Variants in BCL7A observed in about 807,000 individuals in gnomAD.
The protein encoded by BCL7A is B-cell CLL/lymphoma 7 protein family member A.
In BCL7A, 11 loss-of-function variants were observed where a neutral mutation model predicts 28.4. The observed-to-expected ratio is 0.39, with a 90% CI of 0.24 to 0.64. The LOEUF (loss-of-function observed/expected upper bound fraction) is 0.64, where lower values mean the gene tolerates loss of function less well. BCL7A is among the 30% of genes least tolerant of loss of function. BCL7A has a pLI of 0.50. For synonymous variants in BCL7A, 123 were observed against 103.3 expected (o/e 1.19, Z -1.15); for missense variants, 222 against 274.8 (o/e 0.81, Z 1.36).
intron 4 of BCL7A, chr12:122,044,256 C>T: frequency 1.7e-6 from 1 of 599,776 alleles, no homozygotes; most frequent in Non-Finnish European, 2.8e-6. Context: ...TGCCTGTAAT[C>T]CCTGCACTTT....
At chr12:122,052,163 C>A (rs1424083926) in intron 4 of BCL7A, among the ~76,000 whole-genome samples, 1 of 151,906 alleles carries the variant, frequency 6.6e-6, no homozygotes, top group African/African-American at 2.4e-5. Context: ...GTGTGAGCCA[C>A]CACGCCTGGC....
At chr12:122,055,039 C>G (rs1219453098) in intron 5 of BCL7A, 113 bp downstream of exon 5, 14 of 1,585,928 alleles carry the variant, frequency 8.8e-6, no homozygotes, top group African/African-American at 1.3e-5. Context: ...TGTCGTTGGA[C>G]CATTGGAACT....
chr12:122,060,551 TA>T lies in BCL7A; in HGVS notation c.*1390del. 4.3e-6 allele frequency: 1 copy of T among 233,136 alleles called. No individual in the cohort carries two copies. The highest frequency in any genetic ancestry group is 1.3e-3 in the Middle Eastern group (1 of 784). The allele number at this position is 233,136 out of a possible 1,614,324, so 14.4% of individuals were successfully genotyped here. On this transcript the variant is annotated 3_prime_UTR_variant, in exon 6 of 6. Coordinates refer to ENST00000261822, the MANE Select transcript of BCL7A (RefSeq NM_001024808.3). The stretch of plus-strand genomic sequence containing the variant: ...TTCTGAGGCCTGGTTTGCTCTTAAT[TA>T]ATATATGAACTCCTCAGACCTTAAA...
chr12:122,053,674 C>G (rs1884244771), intron 4 of BCL7A, among the ~76,000 whole-genome samples: 1 of 151,766 alleles, frequency 6.6e-6, no homozygotes, highest in Non-Finnish European at 1.5e-5. Flanking sequence ...CTGCCTCCTC[C>G]CAAGCTGCAC....
rs1311987894 is a variant in BCL7A, at chr12:122,054,967, G to A, written c.561+41G>A. On this transcript the variant is annotated intron_variant, in intron 5 of 5. Coordinates refer to ENST00000261822, the MANE Select transcript of BCL7A (RefSeq NM_001024808.3). Reference sequence around the variant, plus strand: ...TCTCAGAGGGGCAGCCAGATCGGCCGGGAGCCCATTGGGTTGTCGGGGGTA... The same window carrying A: ...TCTCAGAGGGGCAGCCAGATCGGCCAGGAGCCCATTGGGTTGTCGGGGGTA... The A allele has an allele frequency of 5.6e-6, 9 of 1,614,066 alleles. No homozygotes were observed. Among genetic ancestry groups the A allele is most frequent in the South Asian group, 1.1e-5 (1 of 91,064 alleles).
chr12:122,028,658 T>C (rs1033792828), intron 1 of BCL7A, among the ~76,000 whole-genome samples: 5 of 152,162 alleles, frequency 3.3e-5, no homozygotes, highest in African/African-American at 1.2e-4. Context: ...TTCTGCCACT[T>C]CCTGTCTGTG....
Position 122,035,730 on chromosome 12 carries a change from ATTGT to A in BCL7A, c.271+307_271+310del, listed in dbSNP as rs1297211317. Among the ~76,000 whole-genome samples the A allele has an allele frequency of 6.6e-5, 10 of 152,324 alleles. No individual in the cohort carries two copies. In the East Asian group the frequency reaches 1.7e-3, roughly 26 times the overall value. On this transcript the variant is annotated intron_variant, in intron 3 of 5. Coordinates refer to ENST00000261822, the MANE Select transcript of BCL7A (RefSeq NM_001024808.3). ...CTCTCAGCCTCGTGTGTCCAGGAAG[ATTGT>A]TTGGGCGTATGTTTCTTCGCCCCCT...
rs113743575 is a variant in BCL7A, at chr12:122,051,011, C to T, written c.440-3794C>T. Among the ~76,000 whole-genome samples, 306 of 152,322 alleles carry T rather than the reference C, an allele frequency of 2.0e-3. 1 individual carries two copies. The Middle Eastern group carries it at 0.02, about 10-fold the overall frequency. ...TGCAGCCGCGTTCCTGCTTCTTTCCCATCCTGGTTTCTTTCTGGCCGTGGC... is the reference window on the plus strand; with the variant it reads ...TGCAGCCGCGTTCCTGCTTCTTTCCTATCCTGGTTTCTTTCTGGCCGTGGC... On this transcript the variant is annotated intron_variant, in intron 4 of 5. Transcript: ENST00000261822.
At chr12:122,024,929 T>G (rs1883581699) in intron 1 of BCL7A, among the ~76,000 whole-genome samples, 2 of 151,424 alleles carry the variant, frequency 1.3e-5, no homozygotes, top group East Asian at 2.0e-4. Context: ...ACCCCTAAAA[T>G]TACCCCCCCG....
At position 122,029,399 on chromosome 12, in the gene BCL7A, A is replaced by G. The variant is rs1368808941; in HGVS notation, c.93-1301A>G. Among the ~76,000 whole-genome samples the G allele has an allele frequency of 1.3e-5, 2 of 152,114 alleles. No individual in the cohort carries two copies. Among genetic ancestry groups the G allele is most frequent in the Non-Finnish European group, 2.9e-5 (2 of 68,022 alleles). On this transcript the variant is annotated intron_variant, in intron 1 of 5. Transcript: ENST00000261822. This position sits in a 1 kb window ranked among gnomAD's most constrained non-coding sequence, Gnocchi z 4.3. The stretch of plus-strand genomic sequence containing the variant: ...GGGTGGGAGTCCTGTAACCTGTCAC[A>G]CCAGCATGTGAGGGCCACATGCCCC...
At chr12:122,032,079 G>A (rs1883757546) in intron 2 of BCL7A, among the ~76,000 whole-genome samples, 2 of 152,210 alleles carry the variant, frequency 1.3e-5, no homozygotes, top group African/African-American at 4.8e-5. Flanking sequence ...TAGGTTTGGG[G>A]TGGGGGAAGC....
chr12:122,036,271 C>T (rs1217888828), intron 3 of BCL7A, among the ~76,000 whole-genome samples: 4 of 152,148 alleles, frequency 2.6e-5, no homozygotes, highest in African/African-American at 4.8e-5. Flanking sequence ...GAAACACGCA[C>T]CTGTAGTCCT....
chr12:122,025,093 A>G (rs2135837148), intron 1 of BCL7A, among the ~76,000 whole-genome samples: 1 of 152,264 alleles, frequency 6.6e-6, no homozygotes, highest in South Asian at 2.1e-4. Context: ...TAAAGGGAAA[A>G]CAAAATGGTG....
At chr12:122,048,721 A>C (rs559114341) in intron 4 of BCL7A, among the ~76,000 whole-genome samples, 1 of 151,608 alleles carries the variant, frequency 6.6e-6, no homozygotes, top group East Asian at 1.9e-4. Flanking sequence ...CCATCTCTAC[A>C]AAAAATACAA....
chr12:122,042,673 A>C (rs1883985612), intron 3 of BCL7A, among the ~76,000 whole-genome samples: 1 of 151,942 alleles, frequency 6.6e-6, no homozygotes, highest in Non-Finnish European at 1.5e-5. Context: ...AAAAGTGTAA[A>C]AGTTCAGGGA....
chr12:122,025,081 G>A (rs1883586801), intron 1 of BCL7A, among the ~76,000 whole-genome samples: 4 of 152,248 alleles, frequency 2.6e-5, no homozygotes, highest in South Asian at 2.1e-4. Context: ...CCAGAAGATG[G>A]CTAAAGGGAA....
At position 122,059,888 on chromosome 12, in the gene BCL7A, G is replaced by A. The variant is rs1593039908; in HGVS notation, c.*725G>A. ...TTGGATCAGGCTGGGCACTCGCTGT[G>A]CTCTCCCCTCCTTGGGGCGTTTAGG... On this transcript the variant is annotated 3_prime_UTR_variant, in exon 6 of 6. Coordinates refer to ENST00000261822, the MANE Select transcript of BCL7A (RefSeq NM_001024808.3). The surrounding 1 kb of genome is among the most constrained non-coding windows in gnomAD (Gnocchi z 4.0). 1 of 232,400 alleles carries A rather than the reference G, an allele frequency of 4.3e-6. No individual in the cohort carries two copies. Among genetic ancestry groups the A allele is most frequent in the East Asian group, 6.1e-5 (1 of 16,464 alleles). 14.4% of individuals were successfully genotyped at this position (232,400 alleles called of 1,614,324 possible).
intron 3 of BCL7A, among the ~76,000 whole-genome samples, chr12:122,037,238 C>T (rs1883874808): frequency 6.6e-6 from 1 of 152,214 alleles, no homozygotes; most frequent in Non-Finnish European, 1.5e-5. Flanking sequence ...CCTGCTAGGA[C>T]AAGAGCCTGC....
intron 3 of BCL7A, among the ~76,000 whole-genome samples, chr12:122,036,705 A>C (rs1276674936): frequency 7.3e-6 from 1 of 137,012 alleles, no homozygotes; most frequent in Non-Finnish European, 1.5e-5. Flanking sequence ...ATTCAAACCT[A>C]AAGCTCCTTT....
Sources: allele counts gnomAD v4.1 joint callset (sites outside exome capture counted in the v4.1 genomes callset), GRCh38; gene constraint gnomAD v4.1.1; non-coding constraint Gnocchi (gnomAD v3.1); transcripts MANE v1.5; gene names NCBI Gene and HGNC (gene_info 2026-07-23, HGNC 2026-07-21).